KIDINS220: variants seen among roughly 807,000 people sequenced by gnomAD.
The protein encoded by KIDINS220 is kinase D-interacting substrate of 220 kDa.
KIDINS220 carries 63 observed loss-of-function variants against 157.6 expected under a neutral mutation model. That is an observed-to-expected ratio of 0.40 (90% CI 0.33 to 0.49). The LOEUF is 0.49. KIDINS220 is among the 20% of genes least tolerant of loss of function. The pLI is 0.66. For missense variants in KIDINS220, 1,772 were observed against 2,171.2 expected, an observed-to-expected ratio of 0.82 and a Z score of 3.65; for synonymous variants, 732 against 783.6, an observed-to-expected ratio of 0.93 and a Z score of 1.10.
Position 8,819,346 on chromosome 2 carries a change from C to T in KIDINS220, c.109-553G>A, listed in dbSNP as rs551726295. Among the ~76,000 whole-genome samples the T allele has an allele frequency of 2.6e-4, 40 of 152,218 alleles. 1 individual carries two copies. The highest frequency in any genetic ancestry group is 9.6e-4 in the African/African-American group (40 of 41,520). ...CCTACTGCTGAAATCAGTGTCCCAG[C>T]CTTTGTGTTAAGAATGAGTCACAGG... is the stretch of plus-strand genomic sequence containing the variant. On this transcript the variant is annotated intron_variant, in intron 2 of 29. Transcript: ENST00000256707.
At chr2:8,789,003 G>C (rs1346696922) in intron 14 of KIDINS220, among the ~76,000 whole-genome samples, 191 bp from the exon 15 acceptor site, 2 of 152,080 alleles carry the variant, frequency 1.3e-5, no homozygotes, top group African/African-American at 4.8e-5. Context: ...AAAATGAAAA[G>C]TAAACTGACT....
chr2:8,752,717 A>C (rs558434135), intron 22 of KIDINS220, among the ~76,000 whole-genome samples: 1 of 152,342 alleles, frequency 6.6e-6, no homozygotes, highest in South Asian at 2.1e-4. Flanking sequence ...GATTAAAAAA[A>C]AGCTAAGTTT....
chr2:8,742,108 T>C (rs1046043303), intron 26 of KIDINS220, among the ~76,000 whole-genome samples: 2 of 151,996 alleles, frequency 1.3e-5, no homozygotes, highest in African/African-American at 4.8e-5. Context: ...AAAATAAAAA[T>C]TGTCCACAGG....
chr2:8,755,124 A>G (rs1020743026), intron 22 of KIDINS220, among the ~76,000 whole-genome samples: 2 of 152,240 alleles, frequency 1.3e-5, no homozygotes, highest in Non-Finnish European at 2.9e-5. Context: ...CAAAGAAAAA[A>G]TGGAGTCCAT....
chr2:8,833,918 G>A (rs188069520), intron 1 of KIDINS220, among the ~76,000 whole-genome samples: 8 of 152,204 alleles, frequency 5.3e-5, no homozygotes, highest in African/African-American at 1.9e-4. Context: ...GTTAATAGAC[G>A]CACCCTATAA....
downstream of KIDINS220, chr2:8,722,483 A>C (rs1410992392): frequency 1.3e-5 from 2 of 152,230 alleles, no homozygotes; most frequent in African/African-American, 2.4e-5. Flanking sequence ...GTGGACTGGC[A>C]TGGGAGCCCC....
At chr2:8,759,725 G>A (rs1668512854) in intron 22 of KIDINS220, among the ~76,000 whole-genome samples, 1 of 151,744 alleles carries the variant, frequency 6.6e-6, no homozygotes, top group Admixed American at 6.6e-5. Context: ...TACATTTAGG[G>A]GCTCTGTATC....
At chr2:8,800,841 C>A (rs1023082631) in intron 8 of KIDINS220, among the ~76,000 whole-genome samples, 7 of 152,050 alleles carry the variant, frequency 4.6e-5, no homozygotes, top group African/African-American at 1.7e-4. Flanking sequence ...TGTCAATGAA[C>A]CAAATGAACA....
At chr2:8,815,928 C>T (rs1444089766) in intron 4 of KIDINS220, among the ~76,000 whole-genome samples, 3 of 152,070 alleles carry the variant, frequency 2.0e-5, no homozygotes, top group African/African-American at 7.2e-5. Flanking sequence ...GGTCACTCTC[C>T]TCTCCTTAAG....
intron 12 of KIDINS220, among the ~76,000 whole-genome samples, chr2:8,792,340 C>T (rs562120336): frequency 2.6e-5 from 4 of 152,198 alleles, no homozygotes; most frequent in Admixed American, 1.3e-4. Flanking sequence ...GAGAGGAATG[C>T]AGCACATGGG....
intron 1 of KIDINS220, among the ~76,000 whole-genome samples, chr2:8,827,621 T>C (rs1036931870): frequency 1.3e-5 from 2 of 152,128 alleles, no homozygotes; most frequent in African/African-American, 4.8e-5. Context: ...CTCACCTGCG[T>C]CACTATCATC....
At position 8,736,889 on chromosome 2, in the gene KIDINS220, C is replaced by T. The variant is rs991553917; in HGVS notation, c.3696G>A (p.Gln1232=). The T allele has an allele frequency of 3.1e-6, 5 of 1,614,058 alleles. No individual in the cohort carries two copies. In the Admixed American group the frequency reaches 5.0e-5, roughly 16 times the overall value. ...IEGLDQSMLP[Q]YCTTIKKANI... The stretch of plus-strand genomic sequence containing the variant: ...TCACCTTTTTGATCGTGGTACAATA[C>T]TGAGGCAGCATACTCTGGTCCAGCC... Residue 1232 remains glutamine (Q), a synonymous_variant, in exon 27 of 30, where the codon CAG becomes CAA. Coordinates refer to ENST00000256707, the MANE Select transcript of KIDINS220 (RefSeq NM_020738.4).
Position 8,774,901 on chromosome 2 carries a change from G to A in KIDINS220, c.2848+1847C>T, listed in dbSNP as rs1387670369. ...CACTGTGGTTGCCGTATGGAGAATAGGCTGTAGAGAGAAAAAGACAGGAGT... is the reference window on the plus strand; with the variant it reads ...CACTGTGGTTGCCGTATGGAGAATAAGCTGTAGAGAGAAAAAGACAGGAGT... On this transcript the variant is annotated intron_variant, in intron 21 of 29. Coordinates refer to ENST00000256707, the MANE Select transcript of KIDINS220 (RefSeq NM_020738.4). 2.0e-5 allele frequency among the ~76,000 whole-genome samples: 3 copies of A among 152,242 alleles called. No individual in the cohort carries two copies. The East Asian group carries it at 5.8e-4, about 29-fold the overall frequency.
At chr2:8,742,251 T>C (rs1665730031) in intron 26 of KIDINS220, among the ~76,000 whole-genome samples, 1 of 151,246 alleles carries the variant, frequency 6.6e-6, no homozygotes, top group South Asian at 2.1e-4. Context: ...TGCGCTACCA[T>C]GCCCTGCCTG....
intron 26 of KIDINS220, among the ~76,000 whole-genome samples, chr2:8,742,707 C>T (rs1432706957): frequency 6.6e-6 from 1 of 152,154 alleles, no homozygotes; most frequent in Non-Finnish European, 1.5e-5. Flanking sequence ...CCGATAATTC[C>T]CTCGGTGGCC....
rs758030611 is a variant in KIDINS220 at position 8,793,958 on chromosome 2, A to G, written c.1128T>C (p.Ile376=). The G allele has an allele frequency of 3.7e-6, 6 of 1,613,152 alleles. No individual in the cohort carries two copies. Among genetic ancestry groups the G allele is most frequent in the Non-Finnish European group, 5.1e-6 (6 of 1,179,754 alleles). Reference sequence around the variant, plus strand: ...CTGCCAGTTTCCGGCTCCTTCCACGAATAGCAATATGCAAGGGAGTATCTC... The same window carrying G: ...CTGCCAGTTTCCGGCTCCTTCCACGGATAGCAATATGCAAGGGAGTATCTC... ...KKGDTPLHIA[I]RGRSRKLAEL... is the part of the protein sequence containing the mutation. Residue 376 remains isoleucine (I), a synonymous_variant, in exon 12 of 30, where the codon ATT becomes ATC. Transcript: ENST00000256707.
rs1358849970 is a variant in KIDINS220 at position 8,730,963 on chromosome 2, T to C, written c.5073A>G (p.Pro1691=). Residue 1691 remains proline, a synonymous_variant, in exon 30 of 30, where the codon CCA becomes CCG. Coordinates refer to ENST00000256707, the MANE Select transcript of KIDINS220 (RefSeq NM_020738.4). ...CGAAATTTTGATTGGCTCTGTTGGC[T>C]GGAGCACTATTGTTGTTCAGAGTCA... The part of the protein sequence containing the change: ...STVTLNNNSA[P]ANRANQNFDE... 6.2e-7 allele frequency: 1 copy of C among 1,614,260 alleles called. No individual in the cohort carries two copies.
chr2:8,741,210 G>A (rs1028533594), intron 26 of KIDINS220, among the ~76,000 whole-genome samples: 17 of 152,260 alleles, frequency 1.1e-4, no homozygotes, highest in African/African-American at 3.6e-4. Flanking sequence ...AGCTACTTAA[G>A]AAATACTAGG....
rs1441011453 is a variant in KIDINS220 at position 8,818,736 on chromosome 2, C to G, written c.166G>C (p.Glu56Gln). Residue 56 changes from glutamate to glutamine, a missense_variant, in exon 3 of 30, where the codon GAA becomes CAA. This residue lies in a region of KIDINS220 where 254 missense variants were observed against 268.6 expected (regional missense o/e 0.95). Transcript: ENST00000256707. ...CAGTTAGCTCCATTCTTAATTAATT[C>G]CTTCACTATTTCCAGATTGCCTTGT... ...AEQGNLEIVK[E>Q]LIKNGANCNL... is the part of the protein sequence containing the mutation. 3.7e-6 allele frequency: 6 copies of G among 1,608,138 alleles called. No homozygotes were observed. Among genetic ancestry groups the G allele is most frequent in the African/African-American group, 1.3e-5 (1 of 74,698 alleles).
Sources: allele counts gnomAD v4.1 joint callset (sites outside exome capture counted in the v4.1 genomes callset), GRCh38; gene constraint gnomAD v4.1.1; regional missense constraint gnomAD v4.1.1; transcripts MANE v1.5; gene names NCBI Gene and HGNC (gene_info 2026-07-23, HGNC 2026-07-21).